DLGAP2: variants seen among roughly 807,000 people sequenced by gnomAD.
The protein encoded by DLGAP2 is disks large-associated protein 2.
Under a neutral mutation model 100.3 loss-of-function variants are expected in DLGAP2, and 26 were observed. That is an observed-to-expected ratio of 0.26 (90% CI 0.19 to 0.36). The LOEUF (loss-of-function observed/expected upper bound fraction) is 0.36, where lower values mean the gene tolerates loss of function less well. DLGAP2 is among the 10% of genes least tolerant of loss of function. The pLI is 1.00. For synonymous variants in DLGAP2, 886 were observed against 630.1 expected, an observed-to-expected ratio of 1.41 and a Z score of -6.08; for missense variants, 1,858 against 1,453.2, an observed-to-expected ratio of 1.28 and a Z score of -4.53.
chr8:1,332,786 G>A (rs191590786), intron 3 of DLGAP2, among the ~76,000 whole-genome samples: 4 of 152,168 alleles, frequency 2.6e-5, no homozygotes, highest in Admixed American at 6.5e-5. Context: ...GCTCTCTAGG[G>A]TCCTGGACCA....
intron 2 of DLGAP2, among the ~76,000 whole-genome samples, chr8:1,045,936 G>A (rs923179748): frequency 6.6e-6 from 1 of 152,144 alleles, no homozygotes; most frequent in Non-Finnish European, 1.5e-5. Flanking sequence ...GTTTAACGGG[G>A]CTTGGGTCCC....
At chr8:1,441,196 T>G (rs1797819740) in intron 3 of DLGAP2, among the ~76,000 whole-genome samples, 1 of 152,234 alleles carries the variant, frequency 6.6e-6, no homozygotes, top group Non-Finnish European at 1.5e-5. Context: ...TCAGTGTTAA[T>G]CTTTTCATTA....
intron 2 of DLGAP2, among the ~76,000 whole-genome samples, chr8:990,359 GCCCGGACCCCCTGCACC>G (rs1800632036): frequency 8.6e-6 from 1 of 116,576 alleles, no homozygotes; most frequent in South Asian, 3.0e-4. Flanking sequence ...CTCCCTCCTT[GCCCGGACCCCCTGCACC>G]CCCATACTCG....
At position 1,151,774 on chromosome 8, in the gene DLGAP2, C is replaced by G. The variant is rs80204892; in HGVS notation, c.74-107077C>G. 3.5e-3 allele frequency among the ~76,000 whole-genome samples: 536 copies of G among 152,302 alleles called. 27 individuals carry two copies. The East Asian group carries it at 0.077, about 22-fold the overall frequency. On this transcript the variant is annotated intron_variant, in intron 2 of 14. Coordinates refer to ENST00000637795, the MANE Select transcript of DLGAP2 (RefSeq NM_001346810.2). ...CCCAGGATCAGGCATTTAGGTTGTT[C>G]TGTTTACACGAACTACTCTTTGTAC...
At chr8:1,319,771 G>T (rs192313190) in intron 3 of DLGAP2, among the ~76,000 whole-genome samples, 1 of 152,282 alleles carries the variant, frequency 6.6e-6, no homozygotes, top group Non-Finnish European at 1.5e-5. Context: ...CAGGCAGGGA[G>T]ATGTTGTCTG....
chr8:1,550,630 TGTGTCTCTGGG>T (rs1384494711), intron 5 of DLGAP2, among the ~76,000 whole-genome samples: 1 of 152,192 alleles, frequency 6.6e-6, no homozygotes, highest in Non-Finnish European at 1.5e-5. Context: ...AAAAGGCCTC[TGTGTCTCTGGG>T]GTGTGGATTA....
intron 2 of DLGAP2, among the ~76,000 whole-genome samples, chr8:1,074,373 G>A (rs1469883658): frequency 6.6e-6 from 1 of 152,212 alleles, no homozygotes; most frequent in African/African-American, 2.4e-5. Context: ...CACTGTCACA[G>A]AAGGGTTTGC....
At chr8:1,147,184 G>A (rs1427178273) in intron 2 of DLGAP2, among the ~76,000 whole-genome samples, 1 of 152,070 alleles carries the variant, frequency 6.6e-6, no homozygotes, top group East Asian at 1.9e-4. Context: ...AGTTTTCTGT[G>A]TATTTGTGCA....
chr8:1,485,554 C>T (rs1320192508), intron 3 of DLGAP2, among the ~76,000 whole-genome samples: 3 of 152,216 alleles, frequency 2.0e-5, no homozygotes, highest in South Asian at 2.1e-4. Flanking sequence ...TCCCACGTTG[C>T]GTCCATGTGA....
intron 2 of DLGAP2, among the ~76,000 whole-genome samples, chr8:1,010,012 A>T (rs541215911): frequency 2.0e-4 from 31 of 152,370 alleles, no homozygotes; most frequent in South Asian, 1.4e-3. Context: ...GGTACACCTT[A>T]TGCTAAAAAG....
At chr8:852,760 G>A (rs1469430869) in intron 1 of DLGAP2, among the ~76,000 whole-genome samples, 1 of 152,224 alleles carries the variant, frequency 6.6e-6, no homozygotes, top group Non-Finnish European at 1.5e-5. Context: ...ATTCTCGGGC[G>A]AGTGTTTCCT....
intron 3 of DLGAP2, among the ~76,000 whole-genome samples, chr8:1,438,767 G>A (rs1386774771): frequency 2.6e-5 from 4 of 152,146 alleles, no homozygotes; most frequent in East Asian, 1.9e-4. Flanking sequence ...GAATGGAGGC[G>A]GCAGCAGGCT....
chr8:1,450,590 G>C (rs1169149482), intron 3 of DLGAP2, among the ~76,000 whole-genome samples: 4 of 152,064 alleles, frequency 2.6e-5, no homozygotes, highest in African/African-American at 7.2e-5. Context: ...CATGGCCCCA[G>C]GGCTACTTCC....
chr8:1,674,499 C>A (rs1039655599), intron 10 of DLGAP2, among the ~76,000 whole-genome samples: 2 of 152,166 alleles, frequency 1.3e-5, no homozygotes, highest in Non-Finnish European at 2.9e-5. Flanking sequence ...AATTTAAGGT[C>A]CTTTGTTTAG....
chr8:1,663,031 T>C (rs1228003885), intron 8 of DLGAP2, among the ~76,000 whole-genome samples: 1 of 127,720 alleles, frequency 7.8e-6, no homozygotes, highest in East Asian at 2.5e-4. Flanking sequence ...TGTGTGAGTG[T>C]GGGGGATGTG....
chr8:1,432,625 G>A (rs1474473610), intron 3 of DLGAP2, among the ~76,000 whole-genome samples: 1 of 152,188 alleles, frequency 6.6e-6, no homozygotes, highest in Admixed American at 6.5e-5. Context: ...TAAGTTAATT[G>A]TAAAAACACA....
chr8:751,261 C>T (rs1363269866), intron 1 of DLGAP2, among the ~76,000 whole-genome samples: 1 of 123,920 alleles, frequency 8.1e-6, no homozygotes, highest in Non-Finnish European at 1.7e-5. Context: ...TCCTGGATCT[C>T]CGGCCACCCT....
intron 2 of DLGAP2, among the ~76,000 whole-genome samples, chr8:1,011,974 A>G (rs1367123333): frequency 2.0e-5 from 3 of 152,178 alleles, no homozygotes; most frequent in East Asian, 1.9e-4. Flanking sequence ...CTCACTCTAA[A>G]TTCAGGCTGG....
chr8:1,351,268 C>T (rs375416178), intron 3 of DLGAP2, among the ~76,000 whole-genome samples: 8 of 70,088 alleles, frequency 1.1e-4, no homozygotes, highest in Non-Finnish European at 1.4e-4. Context: ...AACGGCCGTG[C>T]GGGTCCTGAC....
Sources: gnomAD v4.1 joint callset for allele counts (sites outside exome capture counted in the v4.1 genomes callset) on GRCh38, gnomAD v4.1.1 for gene constraint, MANE v1.5 for transcripts, NCBI Gene and HGNC (gene_info 2026-07-23, HGNC 2026-07-21) for gene names.